Variants in FBXW11 observed in about 807,000 individuals in gnomAD.
The protein encoded by FBXW11 is F-box and WD repeat domain containing 11, also known as F-box/WD repeat-containing protein 11.
A neutral mutation model predicts 77.6 loss-of-function variants in FBXW11; 19 were observed. The ratio of observed to expected loss-of-function variants is 0.24; its 90% CI spans 0.17 to 0.36. The LOEUF is 0.36. Ranked by LOEUF, FBXW11 falls within the 10% of genes least tolerant of loss-of-function variation. The probability of loss-of-function intolerance (pLI) is 1.00; values close to 1 mark genes in which losing one functional copy is unlikely to be tolerated. For synonymous variants in FBXW11, 235 were observed against 249.4 expected (o/e 0.94, Z 0.54); for missense variants, 334 against 704.2 (o/e 0.47, Z 5.95).
chr5:171,937,837 CAA>C (rs893848306), intron 2 of FBXW11, among the ~76,000 whole-genome samples: 49 of 57,720 alleles, frequency 8.5e-4, no homozygotes, highest in Non-Finnish European at 1.1e-3. Context: ...CAAAAAAAAG[CAA>C]AAAAAAAAAA....
chr5:171,960,140 C>T (rs891403638), intron 1 of FBXW11, among the ~76,000 whole-genome samples: 1 of 152,154 alleles, frequency 6.6e-6, no homozygotes, highest in Non-Finnish European at 1.5e-5. Flanking sequence ...CTTTGGGAGG[C>T]CGAGGTGGTG....
At chr5:171,932,366 T>C (rs1021955268) in intron 2 of FBXW11, among the ~76,000 whole-genome samples, 1 of 152,178 alleles carries the variant, frequency 6.6e-6, no homozygotes, top group Non-Finnish European at 1.5e-5. Context: ...TCTATCAGCA[T>C]GGCCAAAATC....
chr5:171,970,442 A>G (rs1764459648), intron 1 of FBXW11, among the ~76,000 whole-genome samples: 2 of 152,176 alleles, frequency 1.3e-5, no homozygotes, highest in Admixed American at 6.5e-5. Context: ...TCTTTTCTTA[A>G]TATTTATAAA....
chr5:171,899,892 A>G, intron 5 of FBXW11, 22 bp downstream of exon 5: 1 of 1,563,534 alleles, frequency 6.4e-7, no homozygotes, highest in Non-Finnish European at 8.7e-7. Flanking sequence ...TTTTCAAGGG[A>G]ACAAGCAACC....
rs1757842924 is a variant in FBXW11, at chr5:171,872,885, C to T, written c.1327G>A (p.Asp443Asn). The T allele has an allele frequency of 6.2e-7, 1 of 1,613,554 alleles. No homozygotes were observed. Among genetic ancestry groups the T allele is most frequent in the Non-Finnish European group, 8.5e-7 (1 of 1,179,606 alleles). Reference sequence around the variant, plus strand: ...ACTTCTACCCACCTAATGGTATTATCTGATGATCCACTAACAACCAGGCGA... The same window carrying T: ...ACTTCTACCCACCTAATGGTATTATTTGATGATCCACTAACAACCAGGCGA... ...RDRLVVSGSSDNTIRLWDIEC... is the reference protein window; with the variant it reads ...RDRLVVSGSSNNTIRLWDIEC... Residue 443 changes from aspartate (D) to asparagine (N), a missense_variant, in exon 10 of 14, where the codon GAT becomes AAT. By Grantham distance (23) the Asp-to-Asn change is conservative. Transcript: ENST00000517395.
intron 1 of FBXW11, among the ~76,000 whole-genome samples, chr5:171,976,664 T>C (rs188223449): frequency 6.3e-4 from 96 of 152,236 alleles, no homozygotes; most frequent in African/African-American, 2.2e-3. Context: ...CGCCCTTCCA[T>C]CTTCTGCTGG....
intron 2 of FBXW11, among the ~76,000 whole-genome samples, chr5:171,946,875 C>T (rs999882501): frequency 5.6e-5 from 7 of 125,554 alleles, no homozygotes; most frequent in African/African-American, 1.9e-4. Flanking sequence ...AGTGCAGTGG[C>T]GGGATCTCGG....
intron 6 of FBXW11, among the ~76,000 whole-genome samples, chr5:171,897,871 A>G (rs1180815427): frequency 1.3e-5 from 2 of 152,184 alleles, no homozygotes; most frequent in Non-Finnish European, 2.9e-5. Flanking sequence ...ATACACACAC[A>G]TCAACCTAAG....
chr5:171,902,980 C>G (rs1302454211), intron 4 of FBXW11, among the ~76,000 whole-genome samples: 1 of 152,200 alleles, frequency 6.6e-6, no homozygotes, highest in Non-Finnish European at 1.5e-5. Context: ...ATTCTAAGCA[C>G]ACTATCCCTT....
chr5:171,943,122 A>G (rs1762830761), intron 2 of FBXW11, among the ~76,000 whole-genome samples: 1 of 152,342 alleles, frequency 6.6e-6, no homozygotes, highest in Non-Finnish European at 1.5e-5. Context: ...AGGGATGCCA[A>G]TAAGTGACTG....
At chr5:171,971,723 C>T (rs1475223943) in intron 1 of FBXW11, among the ~76,000 whole-genome samples, 1 of 152,194 alleles carries the variant, frequency 6.6e-6, no homozygotes, top group South Asian at 2.1e-4. Flanking sequence ...TGGCTCACAC[C>T]TGTAATCCCA....
At chr5:171,925,736 C>T (rs910634600) in intron 2 of FBXW11, among the ~76,000 whole-genome samples, 2 of 152,138 alleles carry the variant, frequency 1.3e-5, no homozygotes, top group African/African-American at 2.4e-5. Context: ...CACTAATCTA[C>T]GCCAGTAAGC....
chr5:171,947,349 T>C (rs1054974799), intron 2 of FBXW11, among the ~76,000 whole-genome samples: 3 of 152,240 alleles, frequency 2.0e-5, no homozygotes, highest in Non-Finnish European at 2.9e-5. Context: ...ATTATAATCA[T>C]ACATTGCTGA....
rs1757231943 is a variant in FBXW11, at chr5:171,864,004, CA to C, written c.*122del. The C allele has an allele frequency of 6.6e-6, 1 of 152,170 alleles. No homozygotes were observed. Among genetic ancestry groups the C allele is most frequent in the Admixed American group, 6.5e-5 (1 of 15,282 alleles). 9.4% of individuals were successfully genotyped at this position (152,170 alleles called of 1,614,324 possible). On this transcript the variant is annotated 3_prime_UTR_variant, in exon 14 of 14. Transcript: ENST00000517395. Reference sequence around the variant, plus strand: ...AGAGTTAGGCTGCTTTGCATCTACCCAGCGTCTAGAACCAATTCCAGCTTCA... The same window carrying C: ...AGAGTTAGGCTGCTTTGCATCTACCCGCGTCTAGAACCAATTCCAGCTTCA...
chr5:172,000,715 T>C lies in FBXW11; in HGVS notation c.45+5743A>G, dbSNP rs116485897. Among the ~76,000 whole-genome samples the C allele has an allele frequency of 3.7e-3, 568 of 152,336 alleles. 1 individual carries two copies. Among genetic ancestry groups the C allele is most frequent in the Middle Eastern group, 0.017 (5 of 294 alleles). On this transcript the variant is annotated intron_variant, in intron 1 of 13. Coordinates refer to ENST00000517395, the MANE Select transcript of FBXW11 (RefSeq NM_001378974.1). ...AGTCCTTTCACACACATCTCTCATA[T>C]AATCCTCCCAACAACTCAGACCAAT...
chr5:171,965,801 A>G (rs1020150828), intron 1 of FBXW11, among the ~76,000 whole-genome samples: 2 of 152,060 alleles, frequency 1.3e-5, no homozygotes, highest in Non-Finnish European at 2.9e-5. Context: ...CAACATATTC[A>G]TGTAGTTTGG....
At chr5:171,899,449 GCT>G (rs1302399315) in intron 5 of FBXW11, among the ~76,000 whole-genome samples, 1 of 152,148 alleles carries the variant, frequency 6.6e-6, no homozygotes, top group Non-Finnish European at 1.5e-5. Context: ...TCTGTCTGTA[GCT>G]CTCTCTCTTT....
chr5:171,876,047 G>A lies in FBXW11; in HGVS notation c.1221+238C>T, dbSNP rs1272686840. Among the ~76,000 whole-genome samples the A allele has an allele frequency of 6.6e-6, 1 of 152,150 alleles. No homozygotes were observed. The highest frequency in any genetic ancestry group is 1.5e-5 in the Non-Finnish European group (1 of 68,028). ...CGTTAGCACTCTTCCCCTTAAAAAG[G>A]TGATCAAGAATTTCATGTCATGAAA... On this transcript the variant is annotated intron_variant, in intron 9 of 13. Transcript: ENST00000517395. This position sits in a 1 kb window ranked among gnomAD's most constrained non-coding sequence, Gnocchi z 4.2.
chr5:171,943,700 C>T lies in FBXW11; in HGVS notation c.147+13897G>A, dbSNP rs532628011. Among the ~76,000 whole-genome samples the T allele has an allele frequency of 9.2e-5, 14 of 152,298 alleles. No homozygotes were observed. In the South Asian group the frequency reaches 2.7e-3, roughly 29 times the overall value. On this transcript the variant is annotated intron_variant, in intron 2 of 13. Transcript: ENST00000517395. ...TCCTGACCTCATGATCCGCCCGCCT[C>T]GGCCTCCCAAAGTGCTGCGATAACA...
Sources: gnomAD v4.1 joint callset for allele counts (sites outside exome capture counted in the v4.1 genomes callset) on GRCh38, gnomAD v4.1.1 for gene constraint, Gnocchi (gnomAD v3.1) non-coding constraint, MANE v1.5 for transcripts, NCBI Gene and HGNC (gene_info 2026-07-23, HGNC 2026-07-21) for gene names.